ATE1: variants seen among roughly 807,000 people sequenced by gnomAD.
ATE1 encodes arginyltransferase 1, also known as arginyl-tRNA--protein transferase 1.
In ATE1, 36 loss-of-function variants were observed where a neutral mutation model predicts 70.5. The ratio of observed to expected loss-of-function variants is 0.51; its 90% confidence interval spans 0.39 to 0.67. ATE1 has a LOEUF of 0.67. ATE1 is among the 30% of genes least tolerant of loss of function. The pLI is 0.00. For missense variants in ATE1, 593 were observed against 629.5 expected (o/e 0.94, Z 0.62); for synonymous variants, 232 against 219.3 (o/e 1.06, Z -0.51).
At chr10:121,755,431 A>G (rs1944758848) in intron 11 of ATE1, among the ~76,000 whole-genome samples, 2 of 152,256 alleles carry the variant, frequency 1.3e-5, no homozygotes, top group African/African-American at 4.8e-5. Flanking sequence ...TAACACGTTA[A>G]TAACTGGGGA....
At chr10:121,898,128 C>T (rs1405381374) in intron 7 of ATE1, among the ~76,000 whole-genome samples, 3 of 152,106 alleles carry the variant, frequency 2.0e-5, no homozygotes, top group African/African-American at 7.2e-5. Flanking sequence ...ACGATGCCAT[C>T]TCATTCATTT....
chr10:121,916,183 C>T (rs1415188207), intron 3 of ATE1, among the ~76,000 whole-genome samples: 1 of 151,926 alleles, frequency 6.6e-6, no homozygotes, highest in African/African-American at 2.4e-5. Flanking sequence ...GCAGAGATCA[C>T]ACCACTGCAC....
chr10:121,874,337 G>A (rs898945803), intron 7 of ATE1, among the ~76,000 whole-genome samples: 1 of 152,158 alleles, frequency 6.6e-6, no homozygotes, highest in Non-Finnish European at 1.5e-5. Flanking sequence ...TGTAAAGAAT[G>A]TCTCTGATAA....
At chr10:121,884,805 C>CT (rs2134141714) in intron 7 of ATE1, among the ~76,000 whole-genome samples, 1 of 152,304 alleles carries the variant, frequency 6.6e-6, no homozygotes, top group East Asian at 1.9e-4. Context: ...GTCTTTACTA[C>CT]TATTAGTAAT....
chr10:121,872,430 A>G (rs1949893068), intron 7 of ATE1, among the ~76,000 whole-genome samples: 1 of 152,224 alleles, frequency 6.6e-6, no homozygotes, highest in African/African-American at 2.4e-5. Context: ...ATCACAAGAC[A>G]CACATTGACA....
At chr10:121,916,725 C>T (rs183086263) in intron 3 of ATE1, among the ~76,000 whole-genome samples, 451 of 152,148 alleles carry the variant, frequency 3.0e-3, no homozygotes, top group Non-Finnish European at 5.1e-3. Context: ...GTCCCAGCTA[C>T]TCGGGAGGCT....
intron 4 of ATE1, 46 bp from the exon 5 acceptor site, chr10:121,911,197 TAC>T: frequency 6.3e-7 from 1 of 1,582,304 alleles, no homozygotes; most frequent in Non-Finnish European, 8.5e-7. Context: ...GGTTATTTGA[TAC>T]AGTTAGGTAA....
Position 121,855,956 on chromosome 10 carries a change from A to G in ATE1, c.975+14050T>C, listed in dbSNP as rs373591625. Among the ~76,000 whole-genome samples the G allele has an allele frequency of 9.9e-5, 15 of 151,918 alleles. 1 individual carries two copies. The highest frequency in any genetic ancestry group is 5.9e-4 in the Admixed American group (9 of 15,238). ...CCAGGTGTGGTGGTGGGCACCTGTA[A>G]TACCAGCTACTCGGGAGGCTGAGGC... On this transcript the variant is annotated intron_variant, in intron 8 of 11. Transcript: ENST00000224652.
At chr10:121,860,859 T>G (rs565895706) in intron 8 of ATE1, among the ~76,000 whole-genome samples, 2 of 152,340 alleles carry the variant, frequency 1.3e-5, no homozygotes, top group East Asian at 3.9e-4. Context: ...AGTAAACACC[T>G]TAGAATCCAG....
In ATE1 at chr10:121,847,756, CAAAAAAAAAA is replaced by C. The variant is rs34868723; in HGVS notation, c.976-6503_976-6494del. Among the ~76,000 whole-genome samples, 4 of 60,844 alleles carry C rather than the reference CAAAAAAAAAA, an allele frequency of 6.6e-5. No homozygotes were observed. The Admixed American group carries it at 7.0e-4, about 11-fold the overall frequency. 39.9% of individuals were successfully genotyped at this position (60,844 alleles called of 152,430 possible). A position where few individuals can be genotyped will look rare whatever the true frequency, so the allele number is the denominator to read the frequency against. ...CTGGGGACAGAGCGAGACTCTGTCTCAAAAAAAAAAAAAAAAAAAAAAAATCGTGAACAGG... is the reference window on the plus strand; with the variant it reads ...CTGGGGACAGAGCGAGACTCTGTCTCAAAAAAAAAAAAAATCGTGAACAGG... On this transcript the variant is annotated intron_variant, in intron 8 of 11. Transcript: ENST00000224652.
chr10:121,826,953 T>C (rs1234364770), intron 10 of ATE1, among the ~76,000 whole-genome samples: 1 of 152,224 alleles, frequency 6.6e-6, no homozygotes, highest in Non-Finnish European at 1.5e-5. Context: ...TTCATTCTTT[T>C]TGATGACTGT....
In ATE1 at chr10:121,877,776, T is replaced by C. The variant is rs113009584; in HGVS notation, c.943-7738A>G. Among the ~76,000 whole-genome samples the C allele has an allele frequency of 2.7e-3, 410 of 152,330 alleles. 4 individuals carry two copies. The highest frequency in any genetic ancestry group is 9.4e-3 in the African/African-American group (391 of 41,582). ...AGAAAACACCATATGTTAATGAGGA[T>C]GTGGCACAACGAGCATGTTTATATG... On this transcript the variant is annotated intron_variant, in intron 7 of 11. Coordinates refer to ENST00000224652, the MANE Select transcript of ATE1 (RefSeq NM_001001976.3).
chr10:121,911,594 C>T (rs1215445893), intron 4 of ATE1, among the ~76,000 whole-genome samples: 1 of 152,138 alleles, frequency 6.6e-6, no homozygotes, highest in Non-Finnish European at 1.5e-5. Context: ...AAACTTGCGA[C>T]CCTGAACTTC....
At chr10:121,756,503 G>C (rs1245641139) in intron 11 of ATE1, among the ~76,000 whole-genome samples, 1 of 152,226 alleles carries the variant, frequency 6.6e-6, no homozygotes. Context: ...CACTGCCCTA[G>C]CAGAGGTTCT....
chr10:121,848,540 C>A (rs1948927614), intron 8 of ATE1, among the ~76,000 whole-genome samples: 1 of 151,354 alleles, frequency 6.6e-6, no homozygotes, highest in African/African-American at 2.4e-5. Flanking sequence ...ATCGCTTGAA[C>A]CCGGAATGCA....
intron 5 of ATE1, among the ~76,000 whole-genome samples, chr10:121,909,422 T>C (rs900888229): frequency 1.3e-5 from 2 of 152,208 alleles, no homozygotes; most frequent in African/African-American, 2.4e-5. Flanking sequence ...AGTATAATAA[T>C]GGTATTGTGA....
intron 11 of ATE1, among the ~76,000 whole-genome samples, chr10:121,783,893 T>C (rs1946099158): frequency 6.6e-6 from 1 of 152,142 alleles, no homozygotes; most frequent in Non-Finnish European, 1.5e-5. Flanking sequence ...AATTTTTTTT[T>C]TTTCGGTTTT....
intron 10 of ATE1, among the ~76,000 whole-genome samples, chr10:121,799,313 C>A (rs1946783110): frequency 6.6e-6 from 1 of 152,082 alleles, no homozygotes; most frequent in South Asian, 2.1e-4. Context: ...CAAGAGCTGT[C>A]AACAAGCTGT....
intron 10 of ATE1, among the ~76,000 whole-genome samples, chr10:121,808,709 C>T (rs1947197494): frequency 6.6e-6 from 1 of 151,994 alleles, no homozygotes; most frequent in African/African-American, 2.4e-5. Flanking sequence ...TAAAAAATGC[C>T]CATTACACTA....
Sources: allele counts gnomAD v4.1 joint callset (sites outside exome capture counted in the v4.1 genomes callset), GRCh38; gene constraint gnomAD v4.1.1; transcripts MANE v1.5; gene names NCBI Gene and HGNC (gene_info 2026-07-23, HGNC 2026-07-21).